The following KIAA1671 variants were observed in gnomAD, a reference collection of about 807,000 sequenced individuals.
KIAA1671 encodes KIAA1671, also known as uncharacterized protein KIAA1671.
Under a neutral mutation model 131.2 loss-of-function variants are expected in KIAA1671, and 52 were observed. That is an observed-to-expected ratio of 0.40 (90% CI 0.32 to 0.50). The LOEUF (loss-of-function observed/expected upper bound fraction) is 0.50, where lower values mean the gene tolerates loss of function less well. KIAA1671 is among the 20% of genes least tolerant of loss of function. The pLI is 0.73. For synonymous variants in KIAA1671, 1,003 were observed against 961.6 expected (o/e 1.04, Z -0.80); for missense variants, 2,360 against 2,364.2 (o/e 1.00, Z 0.04).
chr22:25,130,526 G>T (rs1345704170), intron 6 of KIAA1671, among the ~76,000 whole-genome samples: 3 of 152,176 alleles, frequency 2.0e-5, no homozygotes, highest in African/African-American at 4.8e-5. Flanking sequence ...AAAGAGATTT[G>T]TCATACTCTG....
chr22:25,023,444 C>T (rs1925779948), intron 1 of KIAA1671: 1 of 152,140 alleles, frequency 6.6e-6, no homozygotes, highest in Non-Finnish European at 1.5e-5. Flanking sequence ...CTAGCCTCTC[C>T]GTGAGTGGGC....
chr22:25,093,003 C>T (rs1930095388), intron 6 of KIAA1671, among the ~76,000 whole-genome samples: 1 of 152,092 alleles, frequency 6.6e-6, no homozygotes, highest in Non-Finnish European at 1.5e-5. Flanking sequence ...GGGGGAGTTG[C>T]AGATTAGTGG....
At position 25,181,743 on chromosome 22, in the gene KIAA1671, G is replaced by T; in HGVS notation, c.5119G>T (p.Ala1707Ser). ...RKEESDEEET[A>S]SKAERTPVSH... ...GGAGGAGTCGGATGAGGAGGAGACGGCATCCAAAGCTGAGAGGACCCCTGT... is the reference window on the plus strand; with the variant it reads ...GGAGGAGTCGGATGAGGAGGAGACGTCATCCAAAGCTGAGAGGACCCCTGT... The change falls in exon 10 of 13, where the codon GCA becomes TCA. Residue 1707 changes from alanine (A) to serine (S), a missense_variant. This residue lies in a region of KIAA1671 where 1,161 missense variants were observed against 1,204.7 expected (regional missense o/e 0.96). Transcript: ENST00000358431. 6.4e-7 allele frequency: 1 copy of T among 1,551,602 alleles called. No individual in the cohort carries two copies. Among genetic ancestry groups the T allele is most frequent in the Non-Finnish European group, 8.7e-7 (1 of 1,146,952 alleles).
At chr22:24,988,737 A>G (rs1261532617) in intron 1 of KIAA1671, among the ~76,000 whole-genome samples, 1 of 50,894 alleles carries the variant, frequency 2.0e-5, no homozygotes, top group Non-Finnish European at 4.0e-5. Context: ...CTCCATCTCA[A>G]AAAAAAAAAA....
chr22:25,173,960 C>T (rs1319001105), intron 7 of KIAA1671, among the ~76,000 whole-genome samples: 4 of 152,168 alleles, frequency 2.6e-5, no homozygotes, highest in Admixed American at 2.0e-4. Flanking sequence ...AAGCAGCTTC[C>T]GTCCAGGACA....
intron 1 of KIAA1671, among the ~76,000 whole-genome samples, 184 bp from the exon 2 acceptor site, chr22:25,025,449 G>A (rs1925894962): frequency 6.6e-6 from 1 of 152,118 alleles, no homozygotes; most frequent in Non-Finnish European, 1.5e-5. Flanking sequence ...CACGTACTGT[G>A]GGCTCAGCAC....
chr22:25,158,860 G>A (rs1365312553), intron 6 of KIAA1671, among the ~76,000 whole-genome samples: 2 of 152,200 alleles, frequency 1.3e-5, no homozygotes, highest in Non-Finnish European at 2.9e-5. Context: ...TATTTAATGT[G>A]TCAGAACTTC....
At chr22:25,035,094 T>G (rs1926517736) in intron 4 of KIAA1671, among the ~76,000 whole-genome samples, 2 of 136,520 alleles carry the variant, frequency 1.5e-5, no homozygotes, top group East Asian at 2.3e-4. Flanking sequence ...TTGCCTGGGA[T>G]AGTACAGTCA....
At chr22:24,986,502 A>G (rs1923543133) in intron 1 of KIAA1671, among the ~76,000 whole-genome samples, 1 of 152,074 alleles carries the variant, frequency 6.6e-6, no homozygotes, top group African/African-American at 2.4e-5. Flanking sequence ...AAAACTCTGT[A>G]CCTGTTCAAT....
chr22:25,017,904 TCTC>T (rs959576917), intron 1 of KIAA1671, among the ~76,000 whole-genome samples: 14 of 150,842 alleles, frequency 9.3e-5, no homozygotes, highest in Non-Finnish European at 1.9e-4. Context: ...AAGTTGAACT[TCTC>T]CACAGTCCTG....
intron 6 of KIAA1671, among the ~76,000 whole-genome samples, chr22:25,067,140 C>A (rs1305170100): frequency 2.0e-5 from 3 of 152,100 alleles, no homozygotes; most frequent in African/African-American, 7.2e-5. Flanking sequence ...GTGCGTCTGA[C>A]CACCTCTGGT....
At chr22:25,104,984 C>T (rs886526552) in intron 6 of KIAA1671, among the ~76,000 whole-genome samples, 2 of 151,904 alleles carry the variant, frequency 1.3e-5, no homozygotes, top group South Asian at 2.1e-4. Flanking sequence ...AATGAATGAC[C>T]GACATATTCT....
chr22:25,002,257 T>C (rs1372031159), intron 1 of KIAA1671, among the ~76,000 whole-genome samples: 2 of 152,184 alleles, frequency 1.3e-5, no homozygotes, highest in East Asian at 1.9e-4. Context: ...AAGCTGAGCA[T>C]GTTCAGCTGT....
chr22:24,976,596 G>A (rs957863838), intron 1 of KIAA1671, among the ~76,000 whole-genome samples: 1 of 152,140 alleles, frequency 6.6e-6, no homozygotes, highest in East Asian at 1.9e-4. Context: ...CACCTGTGAC[G>A]CAGAGAGCCC....
intron 6 of KIAA1671, among the ~76,000 whole-genome samples, chr22:25,157,053 G>A (rs1933267794): frequency 6.6e-6 from 1 of 152,202 alleles, no homozygotes; most frequent in Non-Finnish European, 1.5e-5. Context: ...GGCTTAGTCT[G>A]TTTTAAGAAT....
At chr22:25,030,192 G>T (rs950120014) in intron 3 of KIAA1671, among the ~76,000 whole-genome samples, 1 of 152,166 alleles carries the variant, frequency 6.6e-6, no homozygotes, top group Admixed American at 6.5e-5. Flanking sequence ...GGTTAATACC[G>T]ATGTTCTAAG....
intron 6 of KIAA1671, among the ~76,000 whole-genome samples, chr22:25,149,995 G>A (rs1182400919): frequency 1.3e-5 from 2 of 152,098 alleles, no homozygotes; most frequent in Admixed American, 1.3e-4. Flanking sequence ...CGCTTCCCGT[G>A]CCTGGTTGAA....
chr22:25,160,461 C>T (rs182154719), intron 6 of KIAA1671, among the ~76,000 whole-genome samples: 3 of 152,312 alleles, frequency 2.0e-5, no homozygotes, highest in Admixed American at 2.0e-4. Flanking sequence ...TCTTTCGGTT[C>T]GGTCTTGCTC....
chr22:25,084,740 T>C (rs564421880), intron 6 of KIAA1671, among the ~76,000 whole-genome samples: 1 of 152,350 alleles, frequency 6.6e-6, no homozygotes, highest in Admixed American at 6.5e-5. Flanking sequence ...AGTTGAGTGA[T>C]AGAACCATCT....
Sources: gnomAD v4.1 joint callset for allele counts (sites outside exome capture counted in the v4.1 genomes callset) on GRCh38, gnomAD v4.1.1 for gene constraint, gnomAD v4.1.1 regional missense constraint, MANE v1.5 for transcripts, NCBI Gene and HGNC (gene_info 2026-07-23, HGNC 2026-07-21) for gene names.